Variants in KDM4C observed in about 807,000 individuals in gnomAD.
KDM4C encodes the protein lysine-specific demethylase 4C.
KDM4C carries 81 observed loss-of-function variants against 129.3 expected under a neutral mutation model. The observed-to-expected ratio is 0.63, with a 90% CI of 0.52 to 0.75. The LOEUF (loss-of-function observed/expected upper bound fraction) is 0.75, where lower values mean the gene tolerates loss of function less well. KDM4C is among the 30% of genes least tolerant of loss of function. KDM4C has a pLI of 0.00. For missense variants in KDM4C, 1,457 were observed against 1,304.0 expected, an observed-to-expected ratio of 1.12 and a Z score of -1.81; for synonymous variants, 573 against 456.1, an observed-to-expected ratio of 1.26 and a Z score of -3.26.
chr9:6,812,903 C>T lies in KDM4C; in HGVS notation c.321-1728C>T, dbSNP rs745882389. Among the ~76,000 whole-genome samples, 4 of 152,146 alleles carry T rather than the reference C, an allele frequency of 2.6e-5. No homozygotes were observed. In the South Asian group the frequency reaches 6.2e-4, roughly 24 times the overall value. On this transcript the variant is annotated intron_variant, in intron 3 of 21. Transcript: ENST00000381309. ...TTAAAAACATTTTTAAGGCTGGGTG[C>T]GGTGGCTCTCGCCTGTAAATCCCAG...
At chr9:6,721,495 G>T (rs1352795760) in intron 1 of KDM4C, among the ~76,000 whole-genome samples, 1 of 151,536 alleles carries the variant, frequency 6.6e-6, no homozygotes, top group Non-Finnish European at 1.5e-5. Context: ...TGTTGGGCAG[G>T]CTGGTCTCAA....
chr9:6,992,821 A>C (rs1022579065), intron 12 of KDM4C, among the ~76,000 whole-genome samples: 2 of 152,160 alleles, frequency 1.3e-5, no homozygotes, highest in African/African-American at 4.8e-5. Flanking sequence ...AGCATAGGAG[A>C]ATTGCATCTT....
upstream of KDM4C, among the ~76,000 whole-genome samples, chr9:6,755,699 T>A (rs1268124482): frequency 5.9e-5 from 9 of 152,226 alleles, no homozygotes; most frequent in Non-Finnish European, 1.2e-4. Context: ...GCAATTGGGA[T>A]TTAAACAATT....
chr9:6,931,831 T>G lies in KDM4C; in HGVS notation c.921+38599T>G, dbSNP rs183104353. 9.7e-4 allele frequency among the ~76,000 whole-genome samples: 148 copies of G among 152,348 alleles called. 1 individual carries two copies. Among genetic ancestry groups the G allele is most frequent in the African/African-American group, 3.3e-3 (139 of 41,584 alleles). ...TAGTCATATACATTTGGCAGTCTTA[T>G]ATGAGAAAAATATTTACTGTGGAGC... On this transcript the variant is annotated intron_variant, in intron 8 of 21. Transcript: ENST00000381309.
chr9:6,855,904 G>T (rs1310002604), intron 5 of KDM4C, among the ~76,000 whole-genome samples: 3 of 152,120 alleles, frequency 2.0e-5, no homozygotes, highest in African/African-American at 7.2e-5. Context: ...TTATTATGTG[G>T]TTTAAATTTT....
chr9:6,969,665 T>C (rs993706972), intron 8 of KDM4C, among the ~76,000 whole-genome samples: 8 of 152,238 alleles, frequency 5.3e-5, no homozygotes, highest in African/African-American at 1.7e-4. Context: ...AAATACAAAT[T>C]GTTACGCTCT....
intron 8 of KDM4C, chr9:6,974,665 T>C (rs1403047688): frequency 6.6e-6 from 1 of 152,120 alleles, no homozygotes; most frequent in Non-Finnish European, 1.5e-5. Flanking sequence ...GCCTGTCTGT[T>C]TTCATATGTG....
Position 6,849,609 on chromosome 9 carries a change from T to A in KDM4C, c.538T>A (p.Phe180Ile). ...GGGTGTAAATACCCCATATCTCTATTTTGGCATGTGGAAGACCACGTTTGC... is the reference window on the plus strand; with the variant it reads ...GGGTGTAAATACCCCATATCTCTATATTGGCATGTGGAAGACCACGTTTGC... Reference protein sequence around the residue: ...IEGVNTPYLYFGMWKTTFAWH... With the variant: ...IEGVNTPYLYIGMWKTTFAWH... Residue 180 changes from phenylalanine (F) to isoleucine (I), a missense_variant, in exon 5 of 22, where the codon TTT (phenylalanine) becomes ATT (isoleucine). Physicochemically the swap from Phe to Ile is conservative, Grantham distance 21. Transcript: ENST00000381309. 6.2e-7 allele frequency: 1 copy of A among 1,614,062 alleles called. No individual in the cohort carries two copies. Among genetic ancestry groups the A allele is most frequent in the Non-Finnish European group, 8.5e-7 (1 of 1,179,952 alleles).
At chr9:6,904,697 G>A (rs771574953) in intron 8 of KDM4C, among the ~76,000 whole-genome samples, 15 of 152,162 alleles carry the variant, frequency 9.9e-5, no homozygotes, top group Non-Finnish European at 2.2e-4. Context: ...CTGAATGACA[G>A]CATTTATAAC....
chr9:6,907,874 A>G (rs902797741), intron 8 of KDM4C, among the ~76,000 whole-genome samples: 2 of 152,256 alleles, frequency 1.3e-5, no homozygotes, highest in South Asian at 2.1e-4. Flanking sequence ...AGTCACTATT[A>G]GACTGTAAAT....
At chr9:6,912,945 A>G (rs1237441563) in intron 8 of KDM4C, among the ~76,000 whole-genome samples, 1 of 152,150 alleles carries the variant, frequency 6.6e-6, no homozygotes, top group Non-Finnish European at 1.5e-5. Flanking sequence ...TTCGTATGGT[A>G]CCTTTTCTAT....
chr9:6,799,431 G>A (rs181345143), intron 2 of KDM4C, among the ~76,000 whole-genome samples: 55 of 152,234 alleles, frequency 3.6e-4, no homozygotes, highest in African/African-American at 1.2e-3. Flanking sequence ...CAGGAGTGGC[G>A]GCGCGCGTCT....
chr9:6,825,879 C>T (rs1833789124), intron 4 of KDM4C, among the ~76,000 whole-genome samples: 2 of 152,194 alleles, frequency 1.3e-5, no homozygotes, highest in South Asian at 2.1e-4. Context: ...GTCACAATCA[C>T]AGCTCACAGC....
At chr9:6,883,497 G>T (rs751627582) in intron 6 of KDM4C, among the ~76,000 whole-genome samples, 1 of 152,172 alleles carries the variant, frequency 6.6e-6, no homozygotes, top group Non-Finnish European at 1.5e-5. Context: ...TTAACAATTT[G>T]ATGTCAGTGA....
At chr9:6,896,586 A>G (rs1246577998) in intron 8 of KDM4C, among the ~76,000 whole-genome samples, 1 of 152,156 alleles carries the variant, frequency 6.6e-6, no homozygotes, top group Admixed American at 6.5e-5. Context: ...TTAAAAAAAA[A>G]AAGTAGGTTT....
chr9:6,775,829 T>A (rs1318939744), intron 1 of KDM4C, among the ~76,000 whole-genome samples: 1 of 152,060 alleles, frequency 6.6e-6, no homozygotes, highest in African/African-American at 2.4e-5. Context: ...CGACAAATGG[T>A]TTTTAAACAG....
chr9:7,076,707 C>T, intron 17 of KDM4C: 2 of 1,238,346 alleles, frequency 1.6e-6, no homozygotes, highest in Non-Finnish European at 2.0e-6. Context: ...TTTTAAATTT[C>T]ATTTGTTGAC....
chr9:6,748,816 G>A, intron 1 of KDM4C: 1 of 1,313,134 alleles, frequency 7.6e-7, no homozygotes, highest in Non-Finnish European at 1.1e-6. Flanking sequence ...TCTAATACAA[G>A]GTTCATATAC....
rs1168722329 is a variant in KDM4C, at chr9:6,863,648, T to G, written c.629+13948T>G. Among the ~76,000 whole-genome samples the G allele has an allele frequency of 2.0e-5, 3 of 151,772 alleles. No homozygotes were observed. In the East Asian group the frequency reaches 5.8e-4, roughly 29 times the overall value. ...TGTCTCTACTAAAAATACAAAAAATTAGCCAGGCGTGGTGGCGGGCGCCTG... is the reference window on the plus strand; with the variant it reads ...TGTCTCTACTAAAAATACAAAAAATGAGCCAGGCGTGGTGGCGGGCGCCTG... On this transcript the variant is annotated intron_variant, in intron 5 of 21. Coordinates refer to ENST00000381309, the MANE Select transcript of KDM4C (RefSeq NM_015061.6).
Sources: gnomAD v4.1 joint callset for allele counts (sites outside exome capture counted in the v4.1 genomes callset) on GRCh38, gnomAD v4.1.1 for gene constraint, MANE v1.5 for transcripts, NCBI Gene and HGNC (gene_info 2026-07-23, HGNC 2026-07-21) for gene names.